The following GPBP1 variants were observed in gnomAD, a reference collection of about 807,000 sequenced individuals.
GPBP1 encodes the protein vasculin.
GPBP1 carries 13 observed loss-of-function variants against 56.5 expected under a neutral mutation model. The ratio of observed to expected loss-of-function variants is 0.23; its 90% confidence interval spans 0.15 to 0.37. The LOEUF is 0.37. Among genes scored for constraint, GPBP1 ranks in the 10% least tolerant of loss-of-function variants. GPBP1 has a pLI of 1.00. For missense variants in GPBP1, 477 were observed against 572.3 expected (o/e 0.83, Z 1.70); for synonymous variants, 204 against 188.9 (o/e 1.08, Z -0.66).
intron 2 of GPBP1, among the ~76,000 whole-genome samples, chr5:57,212,410 C>T (rs1344881445): frequency 1.3e-5 from 2 of 152,002 alleles, no homozygotes; most frequent in Non-Finnish European, 2.9e-5. Context: ...CATTTAATGC[C>T]AATAGAAATA....
intron 3 of GPBP1, among the ~76,000 whole-genome samples, chr5:57,227,608 A>G (rs1341691402): frequency 6.6e-6 from 1 of 152,230 alleles, no homozygotes; most frequent in Non-Finnish European, 1.5e-5. Context: ...CAAGCTCTTT[A>G]TATATGTGGT....
At chr5:57,232,898 T>G (rs1204452460) in intron 5 of GPBP1, among the ~76,000 whole-genome samples, 1 of 152,208 alleles carries the variant, frequency 6.6e-6, no homozygotes, top group Non-Finnish European at 1.5e-5. Context: ...CCAGCCAACC[T>G]TGTTATGTTT....
chr5:57,192,715 T>G (rs1378886081), intron 2 of GPBP1, among the ~76,000 whole-genome samples: 3 of 137,760 alleles, frequency 2.2e-5, no homozygotes, highest in East Asian at 2.1e-4. Flanking sequence ...ATCACGCCAT[T>G]GCACTCCGGT....
chr5:57,182,433 T>C lies in GPBP1; in HGVS notation c.-58+6033T>C, dbSNP rs188938487. On this transcript the variant is annotated intron_variant, in intron 2 of 11. Coordinates refer to ENST00000506184, the MANE Select transcript of GPBP1 (RefSeq NM_022913.4). ...TGTCGCCCAGGCTGGGGTGCAGTGG[T>C]GCGATCTCGGTTCACTGCAACCTCC... Among the ~76,000 whole-genome samples, 480 of 151,890 alleles carry C rather than the reference T, an allele frequency of 3.2e-3. 4 individuals carry two copies. The highest frequency in any genetic ancestry group is 0.011 in the African/African-American group (456 of 41,394).
chr5:57,221,110 G>T (rs1755940679), intron 3 of GPBP1, among the ~76,000 whole-genome samples: 1 of 152,132 alleles, frequency 6.6e-6, no homozygotes, highest in Non-Finnish European at 1.5e-5. Context: ...GTAGTTTTGA[G>T]ATGTGTAGAA....
At chr5:57,219,375 C>CAAAAAAAAAAAAAAAAAACAAAAAAAACA (rs1755830293) in intron 3 of GPBP1, among the ~76,000 whole-genome samples, 1 of 35,318 alleles carries the variant, frequency 2.8e-5, no homozygotes, top group African/African-American at 1.1e-4. Context: ...GACTCTGTCT[C>CAAAAAAAAAAAAAAAAAACAAAAAAAACA]AAAAAAAAAA....
intron 2 of GPBP1, among the ~76,000 whole-genome samples, chr5:57,210,229 A>G (rs1377792747): frequency 6.6e-6 from 1 of 152,196 alleles, no homozygotes; most frequent in Non-Finnish European, 1.5e-5. Flanking sequence ...GCACTTAAAG[A>G]TGTACACTTA....
chr5:57,215,927 G>A (rs1237252685), intron 3 of GPBP1, among the ~76,000 whole-genome samples: 1 of 151,584 alleles, frequency 6.6e-6, no homozygotes, highest in Non-Finnish European at 1.5e-5. Context: ...TGAGAGGGCT[G>A]TTAGTGTTTG....
chr5:57,179,080 G>C (rs1462713954), intron 2 of GPBP1, among the ~76,000 whole-genome samples: 1 of 152,180 alleles, frequency 6.6e-6, no homozygotes. Flanking sequence ...TGTTAGAATT[G>C]TAATCTTGAC....
intron 2 of GPBP1, among the ~76,000 whole-genome samples, chr5:57,206,342 C>T (rs1310722676): frequency 2.6e-5 from 4 of 152,020 alleles, no homozygotes; most frequent in African/African-American, 9.7e-5. Flanking sequence ...CTGTTTTCTT[C>T]TAAGAGTTTT....
chr5:57,201,159 C>T (rs1001683512), intron 2 of GPBP1, among the ~76,000 whole-genome samples: 3 of 152,210 alleles, frequency 2.0e-5, no homozygotes, highest in East Asian at 1.9e-4. Flanking sequence ...AATTCTGTAT[C>T]GTATGAGGTA....
rs5868039 is a variant in GPBP1 at position 57,219,419 on chromosome 5, C to CAAA, written c.63+5235_63+5237dup. On this transcript the variant is annotated intron_variant, in intron 3 of 11. Transcript: ENST00000506184. Reference sequence around the variant, plus strand: ...AAAAAAAAAACCAAAAACAAACAAACAAAAAAAAAAACAACAAAACCACAC... The same window carrying CAAA: ...AAAAAAAAAACCAAAAACAAACAAACAAAAAAAAAAAAAACAACAAAACCACAC... 8.4e-4 allele frequency among the ~76,000 whole-genome samples: 57 copies of CAAA among 68,054 alleles called. 3 individuals carry two copies. The highest frequency in any genetic ancestry group is 5.3e-3 in the East Asian group (14 of 2,658). The allele number at this position is 68,054 out of a possible 152,430, so 44.6% of individuals were successfully genotyped here. A position where few individuals can be genotyped will look rare whatever the true frequency, so the allele number is the denominator to read the frequency against.
intron 3 of GPBP1, among the ~76,000 whole-genome samples, chr5:57,222,078 T>C (rs1755979907): frequency 6.6e-6 from 1 of 152,142 alleles, no homozygotes; most frequent in Non-Finnish European, 1.5e-5. Context: ...AGGGTCTCAC[T>C]ATGTTGCCCA....
Position 57,195,015 on chromosome 5 carries a change from C to T in GPBP1, c.-58+18615C>T, listed in dbSNP as rs921555727. Among the ~76,000 whole-genome samples, 7 of 151,824 alleles carry T rather than the reference C, an allele frequency of 4.6e-5. No homozygotes were observed. In the East Asian group the frequency reaches 9.6e-4, roughly 21 times the overall value. ...TGATTTCCTTTGTTTTGGATATATA[C>T]CCAGCAGTGGGCTTGCTGGATCATA... On this transcript the variant is annotated intron_variant, in intron 2 of 11. Transcript: ENST00000506184.
chr5:57,190,284 A>G (rs1398301806), intron 2 of GPBP1, among the ~76,000 whole-genome samples: 1 of 151,894 alleles, frequency 6.6e-6, no homozygotes, highest in Non-Finnish European at 1.5e-5. Context: ...TTGTCATGTC[A>G]TTTAGAAGCT....
intron 1 of GPBP1, 92 bp from the exon 2 acceptor site, chr5:57,175,356 T>A (rs1433994941): frequency 2.6e-6 from 1 of 391,794 alleles, no homozygotes; most frequent in East Asian, 3.6e-5. Context: ...AGAAGTGATT[T>A]TCTCTCCAGA....
At chr5:57,187,933 A>G (rs571023477) in intron 2 of GPBP1, among the ~76,000 whole-genome samples, 2 of 151,836 alleles carry the variant, frequency 1.3e-5, no homozygotes, top group Admixed American at 6.6e-5. Flanking sequence ...TATAATATAT[A>G]TGTATATATG....
At chr5:57,202,053 G>A (rs1383215659) in intron 2 of GPBP1, among the ~76,000 whole-genome samples, 1 of 152,124 alleles carries the variant, frequency 6.6e-6, no homozygotes, top group South Asian at 2.1e-4. Flanking sequence ...GAGTGTAATG[G>A]AGCGATCATT....
In GPBP1 at chr5:57,230,893, G is replaced by A. The variant is rs201778551; in HGVS notation, c.111G>A (p.Glu37=). 12 of 1,612,104 alleles carry A rather than the reference G, an allele frequency of 7.4e-6. No individual in the cohort carries two copies. In the African/African-American group the frequency reaches 1.6e-4, roughly 22 times the overall value. The change falls in exon 4 of 12, where the codon GAG becomes GAA. Residue 37 remains glutamate, a synonymous_variant. Coordinates refer to ENST00000506184, the MANE Select transcript of GPBP1 (RefSeq NM_022913.4). Reference sequence around the variant, plus strand: ...ATTCTGAAAACTTTGCATGGACAGAGAATCGTTATGATGTGAACCGTCGAC... The same window carrying A: ...ATTCTGAAAACTTTGCATGGACAGAAAATCGTTATGATGTGAACCGTCGAC... ...EKHSENFAWT[E]NRYDVNRRRH... is the part of the protein sequence containing the mutation.
Sources: allele counts gnomAD v4.1 joint callset (sites outside exome capture counted in the v4.1 genomes callset), GRCh38; gene constraint gnomAD v4.1.1; transcripts MANE v1.5; gene names NCBI Gene and HGNC (gene_info 2026-07-23, HGNC 2026-07-21).